Variants in NDNF observed in about 807,000 individuals in gnomAD.
NDNF encodes protein NDNF.
Under a neutral mutation model 42.0 loss-of-function variants are expected in NDNF, and 16 were observed. The observed-to-expected ratio is 0.38, with a 90% CI of 0.26 to 0.58. The LOEUF is 0.58. Among genes scored for constraint, NDNF ranks in the 20% least tolerant of loss-of-function variants. The pLI, the probability that NDNF is intolerant of heterozygous loss-of-function variation, is 0.67. For synonymous variants in NDNF, 248 were observed against 251.7 expected (o/e 0.99, Z 0.14); for missense variants, 616 against 666.2 (o/e 0.92, Z 0.83).
chr4:121,067,860 C>A (rs1321012229), intron 1 of NDNF, among the ~76,000 whole-genome samples: 1 of 152,002 alleles, frequency 6.6e-6, no homozygotes, highest in Non-Finnish European at 1.5e-5. Context: ...TAGTAAAGTA[C>A]CAGAAGGAAG....
At chr4:121,039,171 A>ATG (rs1273969266) in intron 3 of NDNF, among the ~76,000 whole-genome samples, 1 of 81,402 alleles carries the variant, frequency 1.2e-5, no homozygotes, top group Non-Finnish European at 2.4e-5. Flanking sequence ...ATATATATAT[A>ATG]AAGACTATGT....
intron 1 of NDNF, among the ~76,000 whole-genome samples, chr4:121,068,550 G>A (rs763312909): frequency 6.6e-6 from 1 of 152,076 alleles, no homozygotes; most frequent in Non-Finnish European, 1.5e-5. Flanking sequence ...TATTTTGTTG[G>A]TTATATTGGG....
chr4:121,062,673 T>C lies in NDNF; in HGVS notation c.-2+9320A>G, dbSNP rs184414330. Among the ~76,000 whole-genome samples, 309 of 152,324 alleles carry C rather than the reference T, an allele frequency of 2.0e-3. 2 individuals are homozygous for C. The highest frequency in any genetic ancestry group is 7.1e-3 in the African/African-American group (294 of 41,554). On this transcript the variant is annotated intron_variant, in intron 1 of 3. Transcript: ENST00000379692. ...TCCTTTCCCCCCCAAGGAAGTAAGA[T>C]ACACAGTTAGGTGTGGTTTTTCTTC...
At chr4:121,039,714 G>A (rs542721838) in intron 3 of NDNF, among the ~76,000 whole-genome samples, 8 of 152,204 alleles carry the variant, frequency 5.3e-5, no homozygotes, top group Non-Finnish European at 1.0e-4. Flanking sequence ...TCCTCAAGCC[G>A]TCAATCCCTG....
intron 1 of NDNF, among the ~76,000 whole-genome samples, chr4:121,070,657 C>T (rs1263624452): frequency 2.0e-5 from 3 of 152,078 alleles, no homozygotes; most frequent in East Asian, 3.9e-4. Flanking sequence ...TGTGATTTAG[C>T]GGGATCGACA....
At chr4:121,040,263 C>T (rs1225842086) in intron 2 of NDNF, among the ~76,000 whole-genome samples, 3 of 152,054 alleles carry the variant, frequency 2.0e-5, no homozygotes, top group Non-Finnish European at 4.4e-5. Flanking sequence ...CTGTGGAAGT[C>T]CAACAGCCCC....
At chr4:121,053,618 A>T (rs1727237398) in intron 1 of NDNF, among the ~76,000 whole-genome samples, 1 of 152,196 alleles carries the variant, frequency 6.6e-6, no homozygotes, top group African/African-American at 2.4e-5. Context: ...GATATGACAA[A>T]GTTCAAAAGC....
intron 1 of NDNF, among the ~76,000 whole-genome samples, chr4:121,050,192 C>T (rs1016077832): frequency 1.1e-4 from 17 of 152,056 alleles, no homozygotes; most frequent in African/African-American, 4.1e-4. Flanking sequence ...CACATTTTTC[C>T]CTAACAATAA....
chr4:121,048,358 T>C (rs562429278), intron 1 of NDNF, among the ~76,000 whole-genome samples: 4 of 152,216 alleles, frequency 2.6e-5, no homozygotes, highest in Non-Finnish European at 4.4e-5. Flanking sequence ...TTAGGCCCCA[T>C]GTTTGCCCAC....
At chr4:121,068,208 T>G (rs1228736032) in intron 1 of NDNF, among the ~76,000 whole-genome samples, 35 of 152,200 alleles carry the variant, frequency 2.3e-4, no homozygotes, top group Non-Finnish European at 7.3e-5. Context: ...GAAATTAACA[T>G]GGAAGCTTGA....
chr4:121,069,346 C>T (rs1341956002), intron 1 of NDNF, among the ~76,000 whole-genome samples: 1 of 152,070 alleles, frequency 6.6e-6, no homozygotes, highest in Non-Finnish European at 1.5e-5. Context: ...TTCTCTTGTC[C>T]TTAGAAGGAT....
At chr4:121,067,561 G>C (rs1727521280) in intron 1 of NDNF, among the ~76,000 whole-genome samples, 1 of 152,056 alleles carries the variant, frequency 6.6e-6, no homozygotes, top group Non-Finnish European at 1.5e-5. Context: ...TTAAAGTGAA[G>C]TTTAAATCAA....
At chr4:121,045,051 G>C (rs947814128) in intron 2 of NDNF, among the ~76,000 whole-genome samples, 7 of 152,166 alleles carry the variant, frequency 4.6e-5, no homozygotes, top group African/African-American at 1.7e-4. Context: ...ATCCTTCTTA[G>C]AAATATCCTA....
At chr4:121,058,014 ATTATAG>A (rs1360401604) in intron 1 of NDNF, among the ~76,000 whole-genome samples, 1 of 152,194 alleles carries the variant, frequency 6.6e-6, no homozygotes, top group African/African-American at 2.4e-5. Context: ...TCTCACTTGA[ATTATAG>A]TTATTTTTTT....
chr4:121,063,825 T>C (rs553495971), intron 1 of NDNF, among the ~76,000 whole-genome samples: 2 of 152,210 alleles, frequency 1.3e-5, no homozygotes, highest in African/African-American at 2.4e-5. Context: ...GGGGATTATT[T>C]ATCACTGTTA....
At chr4:121,064,680 G>C (rs1399812647) in intron 1 of NDNF, among the ~76,000 whole-genome samples, 3 of 152,118 alleles carry the variant, frequency 2.0e-5, no homozygotes, top group African/African-American at 7.2e-5. Context: ...TGTGTGGTCT[G>C]AGGTCTGAGG....
rs139006407 is a variant in NDNF, at chr4:121,036,950, T to G, written c.1021A>C (p.Lys341Gln). ...FARTKEEAKQ[K>Q]TVELKDGKIT... ...TTCCCATCTTTTAGCTCGACTGTCT[T>G]CTGTTTGGCTTCTTCCTTGGTCCTG... The change falls in exon 4 of 4, where the codon AAG (lysine) becomes CAG (glutamine). Residue 341 changes from lysine (K) to glutamine (Q), a missense_variant. By Grantham distance (53) the Lys-to-Gln change is moderately conservative (BLOSUM62 1). Coordinates refer to ENST00000379692, the MANE Select transcript of NDNF (RefSeq NM_024574.4). The G allele has an allele frequency of 1.9e-6, 3 of 1,613,950 alleles. No homozygotes were observed. Among genetic ancestry groups the G allele is most frequent in the Non-Finnish European group, 2.5e-6 (3 of 1,180,010 alleles).
At position 121,059,064 on chromosome 4, in the gene NDNF, C is replaced by T. The variant is rs115192969; in HGVS notation, c.-2+12929G>A. On this transcript the variant is annotated intron_variant, in intron 1 of 3. Coordinates refer to ENST00000379692, the MANE Select transcript of NDNF (RefSeq NM_024574.4). ...TACTTCTTTTGCTAGGATGCCTTTACTGCCTCTCTGGGTGGCAAACGTCTA... is the reference window on the plus strand; with the variant it reads ...TACTTCTTTTGCTAGGATGCCTTTATTGCCTCTCTGGGTGGCAAACGTCTA... Among the ~76,000 whole-genome samples, 1,220 of 152,262 alleles carry T rather than the reference C, an allele frequency of 8.0e-3. 23 individuals carry two copies. The highest frequency in any genetic ancestry group is 0.028 in the African/African-American group (1,146 of 41,546).
chr4:121,039,236 A>G (rs1726952911), intron 3 of NDNF, among the ~76,000 whole-genome samples: 1 of 133,358 alleles, frequency 7.5e-6, no homozygotes, highest in African/African-American at 3.0e-5. Context: ...ATATATATAT[A>G]AAGACTATGT....
Sources: gnomAD v4.1 joint callset for allele counts (sites outside exome capture counted in the v4.1 genomes callset) on GRCh38, gnomAD v4.1.1 for gene constraint, MANE v1.5 for transcripts, NCBI Gene and HGNC (gene_info 2026-07-23, HGNC 2026-07-21) for gene names.